Variants in DDX39A observed in about 807,000 individuals in gnomAD.
The protein encoded by DDX39A is DExD-box helicase 39A, also known as ATP-dependent RNA helicase DDX39A.
In DDX39A, 13 loss-of-function variants were observed where a neutral mutation model predicts 46.3. The ratio of observed to expected loss-of-function variants is 0.28; its 90% CI spans 0.18 to 0.45. The LOEUF (loss-of-function observed/expected upper bound fraction) is 0.45. Among genes scored for constraint, DDX39A ranks in the 20% least tolerant of loss-of-function variants. DDX39A has a pLI of 1.00. For synonymous variants in DDX39A, 234 were observed against 224.6 expected (o/e 1.04, Z -0.38); for missense variants, 352 against 581.8 (o/e 0.61, Z 4.06).
At position 14,410,304 on chromosome 19, in the gene DDX39A, C is replaced by T. The variant is rs752557323; in HGVS notation, c.644G>A (p.Arg215His). ...DMRRDVQEIF[R>H]LTPHEKQCMM... is the part of the protein sequence containing the mutation. ...GCACTGCTTCTCGTGTGGTGTCAGG[C>T]GGAAGATCTCCTGCACATCCCGCCG... is the stretch of plus-strand genomic sequence containing the variant. The change falls in exon 6 of 11, where the codon CGC becomes CAC. Residue 215 changes from arginine (R) to histidine (H), a missense_variant. Transcript: ENST00000242776. This position sits in a 1 kb window ranked among gnomAD's most constrained non-coding sequence, Gnocchi z 4.3. 2 of 1,614,004 alleles carry T rather than the reference C, an allele frequency of 1.2e-6. No homozygotes were observed. The highest frequency in any genetic ancestry group is 1.3e-5 in the African/African-American group (1 of 74,918).
In DDX39A at chr19:14,413,153, TGAGGAG is replaced by T; in HGVS notation, c.62_67del (p.Ala21_Gln23delinsGlu). 6.2e-7 allele frequency: 1 copy of T among 1,614,078 alleles called. No homozygotes were observed. The highest frequency in any genetic ancestry group is 8.5e-7 in the Non-Finnish European group (1 of 1,179,994). On this transcript the variant is annotated inframe_deletion, in exon 2 of 11. Transcript: ENST00000242776. ...CTTAGGGGGAGCTGGTGTGCTCTCT[TGAGGAG>T]CCTGGGGCTCTTCCTCTTCATCGTA...
Position 14,410,367 on chromosome 19 carries a change from G to T in DDX39A, c.614-33C>A. ...GGGAGGGCAAGACATGGGTGGGCAT[G>T]AGCGTCTGCCATGCAGGACCCCCAC... On this transcript the variant is annotated intron_variant, in intron 5 of 10. Transcript: ENST00000242776. This position sits in a 1 kb window ranked among gnomAD's most constrained non-coding sequence, Gnocchi z 4.3. 2 of 1,587,430 alleles carry T rather than the reference G, an allele frequency of 1.3e-6. No individual in the cohort carries two copies. Among genetic ancestry groups the T allele is most frequent in the South Asian group, 1.1e-5 (1 of 90,594 alleles).
intron 1 of DDX39A, among the ~76,000 whole-genome samples, chr19:14,418,756 G>C (rs1976923260): frequency 6.6e-6 from 1 of 152,046 alleles, no homozygotes; most frequent in African/African-American, 2.4e-5. Flanking sequence ...CACCGCGCCC[G>C]GCCTTCCAAA....
Position 14,414,436 on chromosome 19 carries a change from T to C in DDX39A, c.-4-1212A>G, listed in dbSNP as rs766694079. Among the ~76,000 whole-genome samples the C allele has an allele frequency of 1.4e-3, 216 of 149,544 alleles. 1 individual carries two copies. The highest frequency in any genetic ancestry group is 5.0e-3 in the African/African-American group (205 of 41,168). ...GGCGCAACCTCGGCTCACTGCAACC[T>C]CCACCTCCAGGGTTCAAGATTCTCC... is the stretch of plus-strand genomic sequence containing the variant. On this transcript the variant is annotated intron_variant, in intron 1 of 10. Coordinates refer to ENST00000242776, the MANE Select transcript of DDX39A (RefSeq NM_005804.4).
chr19:14,412,394 T>A lies in DDX39A; in HGVS notation c.336+157A>T. 1.0e-6 allele frequency: 1 copy of A among 955,988 alleles called. No homozygotes were observed. Among genetic ancestry groups the A allele is most frequent in the Non-Finnish European group, 1.5e-6 (1 of 647,680 alleles). 59.2% of individuals were successfully genotyped at this position (955,988 alleles called of 1,614,324 possible). On this transcript the variant is annotated intron_variant, in intron 3 of 10. Transcript: ENST00000242776. This position sits in a 1 kb window ranked among gnomAD's most constrained non-coding sequence, Gnocchi z 4.4. ...CCCAGGCTGGAGTGCAGTGGTGTGA[T>A]CATAGCACACTGCAGCCTCGACTTC...
In DDX39A at chr19:14,409,247, G is replaced by A; in HGVS notation, c.1119+56C>T. On this transcript the variant is annotated intron_variant, in intron 9 of 10. Transcript: ENST00000242776. This position sits in a 1 kb window ranked among gnomAD's most constrained non-coding sequence, Gnocchi z 8.3. ...TACCTCAGGACTTGAGGAAAAGCAGGGCTGGGGCCCCACCCCACCGCCAGG... is the reference window on the plus strand; with the variant it reads ...TACCTCAGGACTTGAGGAAAAGCAGAGCTGGGGCCCCACCCCACCGCCAGG... 1 of 1,612,898 alleles carries A rather than the reference G, an allele frequency of 6.2e-7. No homozygotes were observed. Among genetic ancestry groups the A allele is most frequent in the Non-Finnish European group, 8.5e-7 (1 of 1,179,014 alleles).
Position 14,409,277 on chromosome 19 carries a change from A to G in DDX39A, c.1119+26T>C. On this transcript the variant is annotated intron_variant, in intron 9 of 10. Coordinates refer to ENST00000242776, the MANE Select transcript of DDX39A (RefSeq NM_005804.4). This position sits in a 1 kb window ranked among gnomAD's most constrained non-coding sequence, Gnocchi z 8.3. ...GGGCCCCACCCCACCGCCAGGGGAAAGCAACATGCCCGTGAGGCTGCTCAC... is the reference window on the plus strand; with the variant it reads ...GGGCCCCACCCCACCGCCAGGGGAAGGCAACATGCCCGTGAGGCTGCTCAC... The G allele has an allele frequency of 3.1e-6, 5 of 1,613,726 alleles. No individual in the cohort carries two copies. Among genetic ancestry groups the G allele is most frequent in the Non-Finnish European group, 4.2e-6 (5 of 1,179,626 alleles).
rs1976618191 is a variant in DDX39A, at chr19:14,412,184, G to A, written c.336+367C>T. ...CCTAACAGCAAGGACAGTGGTGACA[G>A]CTATATTCGGGGCAACCCAACCTTC... On this transcript the variant is annotated intron_variant, in intron 3 of 10. Transcript: ENST00000242776. This position sits in a 1 kb window ranked among gnomAD's most constrained non-coding sequence, Gnocchi z 4.4. Among the ~76,000 whole-genome samples the A allele has an allele frequency of 6.6e-6, 1 of 152,238 alleles. No homozygotes were observed.
At position 14,412,906 on chromosome 19, in the gene DDX39A, C is replaced by T; in HGVS notation, c.208+107G>A. The T allele has an allele frequency of 7.3e-7, 1 of 1,369,200 alleles. No homozygotes were observed. The highest frequency in any genetic ancestry group is 1.0e-6 in the Non-Finnish European group (1 of 999,032). 84.8% of individuals were successfully genotyped at this position (1,369,200 alleles called of 1,614,324 possible). On this transcript the variant is annotated intron_variant, in intron 2 of 10. Transcript: ENST00000242776. This position sits in a 1 kb window ranked among gnomAD's most constrained non-coding sequence, Gnocchi z 4.4. Reference sequence around the variant, plus strand: ...ACAACTGATCCGCGGGACAGACGGGCCCCTCCCTCACCCACGGCAAACTGG... The same window carrying T: ...ACAACTGATCCGCGGGACAGACGGGTCCCTCCCTCACCCACGGCAAACTGG...
At position 14,411,700 on chromosome 19, in the gene DDX39A, A is replaced by T; in HGVS notation, c.337-102T>A. ...CAGTCCCCCTGACACTGCACCCAAC[A>T]TCACAGGCCATTTGAAGGCCCGGTC... On this transcript the variant is annotated intron_variant, in intron 3 of 10. Transcript: ENST00000242776. The surrounding 1 kb of genome is among the most constrained non-coding windows in gnomAD (Gnocchi z 4.1). 1 of 1,025,296 alleles carries T rather than the reference A, an allele frequency of 9.8e-7. No homozygotes were observed. Among genetic ancestry groups the T allele is most frequent in the Admixed American group, 2.1e-5 (1 of 48,042 alleles). 63.5% of individuals were successfully genotyped at this position (1,025,296 alleles called of 1,614,324 possible). A position where few individuals can be genotyped will look rare whatever the true frequency, so the allele number is the denominator to read the frequency against.
Position 14,411,266 on chromosome 19 carries a change from G to A in DDX39A, c.430-94C>T, listed in dbSNP as rs1976579750. The A allele has an allele frequency of 3.0e-5, 43 of 1,420,482 alleles. No individual in the cohort carries two copies. Among genetic ancestry groups the A allele is most frequent in the Non-Finnish European group, 4.0e-5 (42 of 1,056,116 alleles). 88.0% of individuals were successfully genotyped at this position (1,420,482 alleles called of 1,614,324 possible). On this transcript the variant is annotated intron_variant, in intron 4 of 10. Transcript: ENST00000242776. This position sits in a 1 kb window ranked among gnomAD's most constrained non-coding sequence, Gnocchi z 4.1. ...CACCTGCGAACAGGAGGCCTCAGGGGACCAAGGCAGGCCTGAGAGCCTCCC... is the reference window on the plus strand; with the variant it reads ...CACCTGCGAACAGGAGGCCTCAGGGAACCAAGGCAGGCCTGAGAGCCTCCC...
Position 14,411,194 on chromosome 19 carries a change from C to T in DDX39A, c.430-22G>A, listed in dbSNP as rs748434074. ...ACACCTATGGGGATGAGGAGGAAAC[C>T]GCTCCATGCTGATACACGGCCCAAG... is the stretch of plus-strand genomic sequence containing the variant. On this transcript the variant is annotated intron_variant, in intron 4 of 10. Coordinates refer to ENST00000242776, the MANE Select transcript of DDX39A (RefSeq NM_005804.4). The surrounding 1 kb of genome is among the most constrained non-coding windows in gnomAD (Gnocchi z 4.1). The T allele has an allele frequency of 1.2e-5, 19 of 1,549,730 alleles. No homozygotes were observed. The highest frequency in any genetic ancestry group is 4.0e-5 in the Admixed American group (2 of 50,334).
chr19:14,410,886 C>T lies in DDX39A; in HGVS notation c.613+103G>A, dbSNP rs1221200682. ...TTCCCCAAGATCACCACAGGAGCCC[C>T]GCCTGCCGGCCGCCCATGTAACCCA... On this transcript the variant is annotated intron_variant, in intron 5 of 10. Coordinates refer to ENST00000242776, the MANE Select transcript of DDX39A (RefSeq NM_005804.4). The surrounding 1 kb of genome is among the most constrained non-coding windows in gnomAD (Gnocchi z 4.3). 4.5e-6 allele frequency: 5 copies of T among 1,119,834 alleles called. No individual in the cohort carries two copies. In the African/African-American group the frequency reaches 7.9e-5, roughly 18 times the overall value. The allele number at this position is 1,119,834 out of a possible 1,614,324, so 69.4% of individuals were successfully genotyped here.
chr19:14,408,902 G>C lies in DDX39A; in HGVS notation c.*34C>G. 1 of 1,560,168 alleles carries C rather than the reference G, an allele frequency of 6.4e-7. No individual in the cohort carries two copies. On this transcript the variant is annotated 3_prime_UTR_variant, in exon 11 of 11. Coordinates refer to ENST00000242776, the MANE Select transcript of DDX39A (RefSeq NM_005804.4). ...AAAGGGGAGGTGAAGCTGCATGCGG[G>C]CGGCTCCGGGTGGGCGGCTCTGGCA...
At chr19:14,415,044 G>GTGCAACCACTACCACA (rs1459714640) in intron 1 of DDX39A, among the ~76,000 whole-genome samples, 2 of 151,360 alleles carry the variant, frequency 1.3e-5, no homozygotes, top group East Asian at 3.9e-4. Flanking sequence ...TCACAGACAT[G>GTGCAACCACTACCACA]TGCAACCACT....
Position 14,409,598 on chromosome 19 carries a change from C to A in DDX39A, c.912G>T (p.Gln304His), listed in dbSNP as rs1274294537. Reference protein sequence around the residue: ...KSVQRCMALAQLLVEQNFPAI... With the variant: ...KSVQRCMALAHLLVEQNFPAI... ...CCGGGAAGTTCTGCTCCACGAGGAG[C>A]TGGGCCAGGGCCATGCAGCGCTGCA... The change falls in exon 8 of 11, where the codon CAG (glutamine) becomes CAT (histidine). Residue 304 changes from glutamine (Q) to histidine (H), a missense_variant. Physicochemically the swap from Gln to His is conservative, Grantham distance 24. Coordinates refer to ENST00000242776, the MANE Select transcript of DDX39A (RefSeq NM_005804.4). The surrounding 1 kb of genome is among the most constrained non-coding windows in gnomAD (Gnocchi z 8.3). 6.2e-7 allele frequency: 1 copy of A among 1,611,920 alleles called. No homozygotes were observed. Among genetic ancestry groups the A allele is most frequent in the South Asian group, 1.1e-5 (1 of 90,988 alleles).
chr19:14,418,835 A>G, intron 1 of DDX39A: 1 of 441,754 alleles, frequency 2.3e-6, no homozygotes, highest in Non-Finnish European at 4.5e-6. Context: ...AAGAAGGTAG[A>G]CTGGGAAAGG....
chr19:14,414,757 A>G (rs1234960221), intron 1 of DDX39A, among the ~76,000 whole-genome samples: 1 of 148,246 alleles, frequency 6.7e-6, no homozygotes, highest in Non-Finnish European at 1.5e-5. Flanking sequence ...TGAAGTCAGG[A>G]GTTCGAGACC....
In DDX39A at chr19:14,410,008, C is replaced by A; in HGVS notation, c.733-135G>T. ...TGCTGCACCAGACCTCAGTAAACAT[C>A]GCTCAAAAGCTGGATGTAAGCTCTG... On this transcript the variant is annotated intron_variant, in intron 6 of 10. Transcript: ENST00000242776. This position sits in a 1 kb window ranked among gnomAD's most constrained non-coding sequence, Gnocchi z 4.3. 2 of 1,232,028 alleles carry A rather than the reference C, an allele frequency of 1.6e-6. No individual in the cohort carries two copies. The highest frequency in any genetic ancestry group is 1.9e-4 in the Middle Eastern group (1 of 5,354). 76.3% of individuals were successfully genotyped at this position (1,232,028 alleles called of 1,614,324 possible).
Sources: gnomAD v4.1 joint callset for allele counts (sites outside exome capture counted in the v4.1 genomes callset) on GRCh38, gnomAD v4.1.1 for gene constraint, Gnocchi (gnomAD v3.1) non-coding constraint, MANE v1.5 for transcripts, NCBI Gene and HGNC (gene_info 2026-07-23, HGNC 2026-07-21) for gene names.